Variants in CYP39A1 observed in about 807,000 individuals in gnomAD.
CYP39A1 encodes the protein cytochrome P450 family 39 subfamily A member 1, also known as 24-hydroxycholesterol 7-alpha-hydroxylase.
CYP39A1 carries 49 observed loss-of-function variants against 58.1 expected under a neutral mutation model. The observed-to-expected ratio is 0.84, with a 90% CI of 0.67 to 1.07. The LOEUF (loss-of-function observed/expected upper bound fraction) is 1.07. CYP39A1 is among the 50% of genes least tolerant of loss of function. The pLI is 0.00. For missense variants in CYP39A1, 531 were observed against 539.4 expected (o/e 0.98, Z 0.16); for synonymous variants, 209 against 187.6 (o/e 1.11, Z -0.93).
At chr6:46,602,673 G>C (rs1158702834) in intron 7 of CYP39A1, among the ~76,000 whole-genome samples, 1 of 133,598 alleles carries the variant, frequency 7.5e-6, no homozygotes, top group Non-Finnish European at 1.6e-5. Flanking sequence ...TCAGCTGGGT[G>C]TGGTGGTGCA....
At chr6:46,552,544 C>T (rs970822272) in intron 11 of CYP39A1, among the ~76,000 whole-genome samples, 1 of 152,178 alleles carries the variant, frequency 6.6e-6, no homozygotes, top group Admixed American at 6.5e-5. Flanking sequence ...TCTCTCCATA[C>T]ATTAGCCTTA....
At chr6:46,566,626 A>G (rs969425110) in intron 10 of CYP39A1, among the ~76,000 whole-genome samples, 2 of 152,066 alleles carry the variant, frequency 1.3e-5, no homozygotes, top group African/African-American at 4.8e-5. Flanking sequence ...TCACAATGAG[A>G]TTTGGGTGGG....
intron 1 of CYP39A1, among the ~76,000 whole-genome samples, chr6:46,649,213 G>A (rs1762521832): frequency 6.6e-6 from 1 of 152,194 alleles, no homozygotes; most frequent in South Asian, 2.1e-4. Flanking sequence ...GATTTTTACT[G>A]GGGTTGGCCA....
At chr6:46,624,949 G>A (rs1775215645) in intron 7 of CYP39A1, among the ~76,000 whole-genome samples, 1 of 151,776 alleles carries the variant, frequency 6.6e-6, no homozygotes. Context: ...TTGTTTACTT[G>A]TTTTTTGTTT....
chr6:46,564,087 GTTTTTTATTTTGTAT>G (rs1771126698), intron 10 of CYP39A1, among the ~76,000 whole-genome samples: 1 of 142,000 alleles, frequency 7.0e-6, no homozygotes, highest in African/African-American at 2.7e-5. Context: ...GACCTAGTTT[GTTTTTTATTTTGTAT>G]TTTTTTTATT....
chr6:46,569,297 A>G (rs1400436249), intron 10 of CYP39A1, among the ~76,000 whole-genome samples: 1 of 152,086 alleles, frequency 6.6e-6, no homozygotes, highest in Non-Finnish European at 1.5e-5. Flanking sequence ...GATTGTACAT[A>G]TAAGATCATA....
At chr6:46,634,970 G>A (rs1200003393) in intron 5 of CYP39A1, among the ~76,000 whole-genome samples, 1 of 152,168 alleles carries the variant, frequency 6.6e-6, no homozygotes, top group African/African-American at 2.4e-5. Context: ...TGTCTGGGTT[G>A]TTTACACAAC....
At chr6:46,554,214 C>T (rs902756120) in intron 10 of CYP39A1, among the ~76,000 whole-genome samples, 1 of 152,112 alleles carries the variant, frequency 6.6e-6, no homozygotes, top group African/African-American at 2.4e-5. Context: ...TAAGATTAAG[C>T]AAAATGGAAA....
At chr6:46,604,075 C>A (rs985407930) in intron 7 of CYP39A1, among the ~76,000 whole-genome samples, 3 of 152,236 alleles carry the variant, frequency 2.0e-5, no homozygotes, top group East Asian at 3.9e-4. Flanking sequence ...AGGAAAATTT[C>A]TTTCCCTGAG....
intron 10 of CYP39A1, among the ~76,000 whole-genome samples, chr6:46,583,844 A>C (rs971118506): frequency 6.6e-6 from 1 of 151,934 alleles, no homozygotes; most frequent in Non-Finnish European, 1.5e-5. Context: ...TTCTCATACC[A>C]CCTCAGTGGC....
intron 7 of CYP39A1, among the ~76,000 whole-genome samples, chr6:46,619,527 A>T (rs1340139304): frequency 6.6e-6 from 1 of 152,064 alleles, no homozygotes; most frequent in Non-Finnish European, 1.5e-5. Context: ...AGAATCACCA[A>T]GGGCAGAGTT....
intron 7 of CYP39A1, among the ~76,000 whole-genome samples, chr6:46,613,704 GT>G (rs544125145): frequency 7.3e-4 from 104 of 143,080 alleles, no homozygotes; most frequent in South Asian, 2.4e-3. Context: ...TTATTTGTTT[GT>G]TTTTTTTTTT....
At chr6:46,561,636 G>C (rs1179350879) in intron 10 of CYP39A1, among the ~76,000 whole-genome samples, 1 of 152,050 alleles carries the variant, frequency 6.6e-6, no homozygotes, top group Non-Finnish European at 1.5e-5. Context: ...CTTTAATAAC[G>C]AAAGTGCCCC....
In CYP39A1 at chr6:46,553,783, TC is replaced by T; in HGVS notation, c.1321del (p.Asp441ThrfsTer85). 6.2e-7 allele frequency: 1 copy of T among 1,609,580 alleles called. No individual in the cohort carries two copies. On this transcript the variant is annotated frameshift_variant, in exon 11 of 12. Coordinates refer to ENST00000275016, the MANE Select transcript of CYP39A1 (RefSeq NM_016593.5). LOFTEE classifies it high-confidence loss of function. ...AACACTTACCTGTTTGGGTAATGGG[TC>T]CAGAAGACTACAGTCATATTTATAA... ...ILYKYDCSLL[D>X]PLPKQSYLHL...
At chr6:46,617,697 G>A (rs1774695250) in intron 7 of CYP39A1, among the ~76,000 whole-genome samples, 6 of 152,058 alleles carry the variant, frequency 3.9e-5, no homozygotes. Flanking sequence ...CTAGCTGTAT[G>A]GTCTTAGGTA....
At chr6:46,588,169 T>C (rs774724120) in intron 8 of CYP39A1, 40 bp from the exon 9 acceptor site, 5 of 1,316,802 alleles carry the variant, frequency 3.8e-6, no homozygotes, top group Admixed American at 3.8e-5. Flanking sequence ...TTTTTTGAAA[T>C]ATACTTTAAA....
intron 10 of CYP39A1, among the ~76,000 whole-genome samples, chr6:46,577,585 T>C (rs1771905679): frequency 1.3e-5 from 2 of 152,036 alleles, no homozygotes; most frequent in Non-Finnish European, 2.9e-5. Flanking sequence ...TAGAGAAAGA[T>C]CTATCAAGCA....
At chr6:46,582,870 G>A (rs1482956466) in intron 10 of CYP39A1, among the ~76,000 whole-genome samples, 1 of 151,888 alleles carries the variant, frequency 6.6e-6, no homozygotes, top group Admixed American at 6.6e-5. Flanking sequence ...ACCCTAACCT[G>A]ACACATAGCA....
intron 1 of CYP39A1, among the ~76,000 whole-genome samples, chr6:46,652,006 T>G (rs1762723472): frequency 6.6e-6 from 1 of 152,222 alleles, no homozygotes; most frequent in African/African-American, 2.4e-5. Context: ...GTGCAAGCAA[T>G]TTGTACAATA....
Sources: allele counts gnomAD v4.1 joint callset (sites outside exome capture counted in the v4.1 genomes callset), GRCh38; gene constraint gnomAD v4.1.1; transcripts MANE v1.5; gene names NCBI Gene and HGNC (gene_info 2026-07-23, HGNC 2026-07-21).